RYR2: variants seen among roughly 807,000 people sequenced by gnomAD.
The protein encoded by RYR2 is cardiac muscle ryanodine receptor-calcium release channel.
In RYR2, 227 loss-of-function variants were observed where a neutral mutation model predicts 601.1. That is an observed-to-expected ratio of 0.38 (90% CI 0.34 to 0.42). The LOEUF is 0.42. Among genes scored for constraint, RYR2 ranks in the 10% least tolerant of loss-of-function variants. RYR2 has a pLI of 1.00. For synonymous variants in RYR2, 2,223 were observed against 2,175.1 expected, an observed-to-expected ratio of 1.02 and a Z score of -0.61; for missense variants, 4,646 against 6,156.5, an observed-to-expected ratio of 0.75 and a Z score of 8.21.
chr1:237,810,890 T>C (rs1452046811), intron 100 of RYR2, among the ~76,000 whole-genome samples: 2 of 152,180 alleles, frequency 1.3e-5, no homozygotes, highest in East Asian at 1.9e-4. Flanking sequence ...TGTGAAATTA[T>C]ATATACACAA....
intron 2 of RYR2, among the ~76,000 whole-genome samples, chr1:237,326,306 C>T (rs975004539): frequency 1.3e-5 from 2 of 152,036 alleles, no homozygotes; most frequent in Non-Finnish European, 2.9e-5. Context: ...AGGCACACAG[C>T]CATGCTGCTG....
intron 71 of RYR2, among the ~76,000 whole-genome samples, chr1:237,716,549 G>A (rs1689281045): frequency 6.6e-6 from 1 of 152,060 alleles, no homozygotes; most frequent in South Asian, 2.1e-4. Flanking sequence ...ACTAGCATAA[G>A]CCTCAAAAAC....
intron 95 of RYR2, 106 bp downstream of exon 95, chr1:237,794,103 A>ATAGT (rs1445348019): frequency 1.1e-6 from 1 of 898,534 alleles, no homozygotes; most frequent in African/African-American, 1.7e-5. Context: ...GAGGTGAATA[A>ATAGT]TAGTTATATA....
At position 237,623,781 on chromosome 1, in the gene RYR2, A is replaced by G. The variant is rs773006920; in HGVS notation, c.5933A>G (p.Asn1978Ser). 53 of 1,608,922 alleles carry G rather than the reference A, an allele frequency of 3.3e-5. 1 individual carries two copies. The highest frequency in any genetic ancestry group is 4.0e-5 in the Non-Finnish European group (47 of 1,176,132). The change falls in exon 39 of 105, where the codon AAT (asparagine) becomes AGT (serine). Residue 1978 changes from asparagine to serine, a missense_variant. Physicochemically the swap from Asn to Ser is conservative, Grantham distance 46. This residue lies in a region of RYR2 where 170 missense variants were observed against 184.5 expected (regional missense o/e 0.92). Transcript: ENST00000366574. ...PPQEQINMLL[N>S]FKDDKSECPC... ...AACTTTCAGATCAATATGCTTCTCA[A>G]TTTTAAGGATGACAAAAGTGAATGT...
At chr1:237,528,366 A>G (rs570392326) in intron 24 of RYR2, among the ~76,000 whole-genome samples, 1 of 152,120 alleles carries the variant, frequency 6.6e-6, no homozygotes, top group Non-Finnish European at 1.5e-5. Flanking sequence ...GTATGTATGG[A>G]TAGGAAAAAG....
chr1:237,090,853 G>T (rs1025699852), intron 1 of RYR2, among the ~76,000 whole-genome samples: 2 of 152,210 alleles, frequency 1.3e-5, no homozygotes, highest in African/African-American at 4.8e-5. Flanking sequence ...GTTTTGAGAA[G>T]AAGGTTGGCA....
chr1:237,703,813 C>T (rs941370621), intron 66 of RYR2, among the ~76,000 whole-genome samples: 2 of 151,742 alleles, frequency 1.3e-5, no homozygotes. Flanking sequence ...TCCTCCTAGA[C>T]TTTTCATGCT....
intron 12 of RYR2, among the ~76,000 whole-genome samples, chr1:237,440,339 A>G (rs1435923055): frequency 1.3e-5 from 2 of 152,364 alleles, no homozygotes; most frequent in East Asian, 3.9e-4. Context: ...GACATAGAAG[A>G]CACGTAAAGT....
At chr1:237,797,158 T>C (rs1558437223) in intron 96 of RYR2, among the ~76,000 whole-genome samples, 1 of 151,832 alleles carries the variant, frequency 6.6e-6, no homozygotes, top group Middle Eastern at 3.4e-3. Flanking sequence ...TATCCCAGAG[T>C]TGGACATAAC....
At chr1:237,320,520 A>G (rs1572592482) in intron 2 of RYR2, among the ~76,000 whole-genome samples, 1 of 152,208 alleles carries the variant, frequency 6.6e-6, no homozygotes, top group Non-Finnish European at 1.5e-5. Context: ...ACTCTGAAGT[A>G]CCTCCAGATC....
chr1:237,059,858 A>G lies in RYR2; in HGVS notation c.48+17289A>G, dbSNP rs146674617. ...GGAACCATGATTCCAATATATGTGT[A>G]TTCTTTCATTCAGCAAAGATATATA... On this transcript the variant is annotated intron_variant, in intron 1 of 104. Transcript: ENST00000366574. Among the ~76,000 whole-genome samples the G allele has an allele frequency of 4.7e-3, 717 of 152,332 alleles. 7 individuals are homozygous for G. Among genetic ancestry groups the G allele is most frequent in the African/African-American group, 0.017 (700 of 41,576 alleles).
intron 1 of RYR2, among the ~76,000 whole-genome samples, chr1:237,262,245 G>GT (rs386370106): frequency 0.018 from 1,073 of 61,064 alleles, 154 homozygotes; most frequent in Middle Eastern, 0.022. Context: ...GTTCTAAAGA[G>GT]TTTTTTTTTT....
Position 237,650,075 on chromosome 1 carries a change from G to A in RYR2, c.7711G>A (p.Val2571Ile). ...CAAAGCTCAGCGGGATTCCATAGAA[G>A]TTTGTTTACTCTCTATTTGTGGGTG... ...LTKAQRDSIE[V>I]CLLSICGQLR... is the part of the protein sequence containing the mutation. The change falls in exon 50 of 105, where the codon GTT becomes ATT. Residue 2571 changes from valine to isoleucine, a missense_variant. Around this residue, in one of 17 missense-constraint regions of RYR2, gnomAD observed 1,497 missense variants for 1,842.6 expected, o/e 0.81. Transcript: ENST00000366574. 1 of 1,613,940 alleles carries A rather than the reference G, an allele frequency of 6.2e-7. No homozygotes were observed. The highest frequency in any genetic ancestry group is 8.5e-7 in the Non-Finnish European group (1 of 1,179,850).
At chr1:237,490,517 C>CAA (rs200999820) in intron 17 of RYR2, among the ~76,000 whole-genome samples, 2 of 143,524 alleles carry the variant, frequency 1.4e-5, no homozygotes, top group East Asian at 4.0e-4. Flanking sequence ...TTAGTAATAG[C>CAA]AAAAAAAAAA....
In RYR2 at chr1:237,115,367, G is replaced by A. The variant is rs541448488; in HGVS notation, c.48+72798G>A. On this transcript the variant is annotated intron_variant, in intron 1 of 104. Coordinates refer to ENST00000366574, the MANE Select transcript of RYR2 (RefSeq NM_001035.3). ...GGAGGAAAATCCCTCTTCCCTCTCCGGATCCATAAGGACTGCAGAGAGCAG... is the reference window on the plus strand; with the variant it reads ...GGAGGAAAATCCCTCTTCCCTCTCCAGATCCATAAGGACTGCAGAGAGCAG... Among the ~76,000 whole-genome samples the A allele has an allele frequency of 7.9e-5, 12 of 152,208 alleles. No individual in the cohort carries two copies. In the East Asian group the frequency reaches 2.1e-3, roughly 27 times the overall value.
rs573811830 is a variant in RYR2 at position 237,812,087 on chromosome 1, C to T, written c.14433+3052C>T. ...CAAATATTAACTCAGTAGTCTCCTACCAACTTTCTGCTGCAGGTTGGCACT... is the reference window on the plus strand; with the variant it reads ...CAAATATTAACTCAGTAGTCTCCTATCAACTTTCTGCTGCAGGTTGGCACT... On this transcript the variant is annotated intron_variant, in intron 100 of 104. Transcript: ENST00000366574. Among the ~76,000 whole-genome samples, 25 of 152,122 alleles carry T rather than the reference C, an allele frequency of 1.6e-4. 1 individual carries two copies. In the South Asian group the frequency reaches 5.2e-3, roughly 32 times the overall value.
chr1:237,714,775 G>A (rs771916384), intron 71 of RYR2, among the ~76,000 whole-genome samples: 2 of 151,788 alleles, frequency 1.3e-5, no homozygotes, highest in Non-Finnish European at 2.9e-5. Flanking sequence ...TGGATCACGA[G>A]GTCAGGAGTT....
chr1:237,786,121 A>C, intron 91 of RYR2, 85 bp downstream of exon 91: 4 of 841,522 alleles, frequency 4.8e-6, no homozygotes, highest in Non-Finnish European at 7.6e-6. Context: ...GGGAGCTGCA[A>C]GGGAGAATCT....
rs1193329253 is a variant in RYR2 at position 237,180,601 on chromosome 1, T to C, written c.49-89896T>C. 2.7e-5 allele frequency among the ~76,000 whole-genome samples: 2 copies of C among 75,054 alleles called. No individual in the cohort carries two copies. The highest frequency in any genetic ancestry group is 3.3e-4 in the Admixed American group (2 of 6,064). The allele number at this position is 75,054 out of a possible 152,430, so 49.2% of individuals were successfully genotyped here. ...GTGTGTATATATGTATATATAAGTA[T>C]ATATATGTATATATGTATATATGTA... is the stretch of plus-strand genomic sequence containing the variant. On this transcript the variant is annotated intron_variant, in intron 1 of 104. Transcript: ENST00000366574. The surrounding 1 kb of genome is among the most constrained non-coding windows in gnomAD (Gnocchi z 5.3).
Sources: gnomAD v4.1 joint callset for allele counts (sites outside exome capture counted in the v4.1 genomes callset) on GRCh38, gnomAD v4.1.1 for gene constraint, gnomAD v4.1.1 regional missense constraint, Gnocchi (gnomAD v3.1) non-coding constraint, MANE v1.5 for transcripts, NCBI Gene and HGNC (gene_info 2026-07-23, HGNC 2026-07-21) for gene names.